The following BTD variants were observed in gnomAD, a reference collection of about 807,000 sequenced individuals.
BTD encodes the protein biocytinase.
BTD carries 13 observed loss-of-function variants against 17.7 expected under a neutral mutation model. The ratio of observed to expected loss-of-function variants is 0.74; its 90% CI spans 0.48 to 1.17. The LOEUF (loss-of-function observed/expected upper bound fraction) is 1.17, where lower values mean the gene tolerates loss of function less well. Ranked by LOEUF, BTD falls within the 50% of genes most tolerant of loss-of-function variation. BTD has a pLI of 0.00. For missense variants in BTD, 674 were observed against 650.4 expected, an observed-to-expected ratio of 1.04 and a Z score of -0.39; for synonymous variants, 240 against 245.2, an observed-to-expected ratio of 0.98 and a Z score of 0.20.
At chr3:15,681,552 G>A (rs2067549281) in intron 3 of BTD, among the ~76,000 whole-genome samples, 1 of 152,014 alleles carries the variant, frequency 6.6e-6, no homozygotes, top group Non-Finnish European at 1.5e-5. Context: ...ATTCTTACAT[G>A]GCCTCTTTAT....
At chr3:15,634,546 G>A (rs951803994) in intron 1 of BTD, among the ~76,000 whole-genome samples, 3 of 152,172 alleles carry the variant, frequency 2.0e-5, no homozygotes, top group African/African-American at 7.2e-5. Context: ...ACACACAGAA[G>A]TATCATTTAT....
At chr3:15,715,424 TA>T (rs1337979742), downstream of BTD, among the ~76,000 whole-genome samples, 12 of 152,350 alleles carry the variant, frequency 7.9e-5, no homozygotes, top group African/African-American at 2.9e-4. Flanking sequence ...AGATATTCTT[TA>T]AAAATCCTCA....
chr3:15,639,262 A>G (rs2065438503), intron 2 of BTD, among the ~76,000 whole-genome samples: 2 of 147,358 alleles, frequency 1.4e-5, no homozygotes, highest in Admixed American at 1.4e-4. Flanking sequence ...GTATGTATAC[A>G]TAATTTAAAT....
chr3:15,717,525 GA>G (rs546403945), downstream of BTD, among the ~76,000 whole-genome samples: 47 of 132,758 alleles, frequency 3.5e-4, 1 homozygote, highest in East Asian at 3.0e-3. Context: ...GGAGTATTAA[GA>G]AAAAAAAAAA....
intron 1 of BTD, among the ~76,000 whole-genome samples, chr3:15,619,910 A>G (rs2125389556): frequency 6.6e-6 from 1 of 152,340 alleles, no homozygotes; most frequent in East Asian, 1.9e-4. Flanking sequence ...TAAGGGTTTC[A>G]AAAGGGGAGG....
At chr3:15,604,040 C>G (rs1362356823) in intron 1 of BTD, among the ~76,000 whole-genome samples, 2 of 152,188 alleles carry the variant, frequency 1.3e-5, no homozygotes, top group East Asian at 3.9e-4. Flanking sequence ...GTCAGTAGAT[C>G]TACCATTCTG....
At chr3:15,670,590 T>C (rs759492779) in intron 3 of BTD, 6 of 1,584,416 alleles carry the variant, frequency 3.8e-6, no homozygotes, top group Non-Finnish European at 4.3e-6. Context: ...AAATTAAGCA[T>C]CCTGAGATGT....
chr3:15,668,976 C>A (rs964996586), intron 3 of BTD: 3 of 152,570 alleles, frequency 2.0e-5, no homozygotes, highest in African/African-American at 7.2e-5. Context: ...AAAGCAGAAC[C>A]ACACAAATCT....
chr3:15,637,825 A>G lies in BTD; in HGVS notation c.249+2137A>G, dbSNP rs576970011. On this transcript the variant is annotated intron_variant, in intron 2 of 3. Coordinates refer to ENST00000643237, the MANE Select transcript of BTD (RefSeq NM_001370658.1). ...ACACTGAAACCCAGACTGTGGCTGT[A>G]GAATTCTCCTGCATTCACCTTTCAA... is the stretch of plus-strand genomic sequence containing the variant. 3.3e-5 allele frequency among the ~76,000 whole-genome samples: 5 copies of G among 152,358 alleles called. No homozygotes were observed. In the South Asian group the frequency reaches 1.0e-3, roughly 32 times the overall value.
chr3:15,696,242 G>A lies in BTD; in HGVS notation c.400-13818G>A, dbSNP rs1334853399. On this transcript the variant is annotated intron_variant, in intron 3 of 3. Transcript: ENST00000672141. ...CATCGTTTCTTAATAAGTATTCCAGGCACCTATATACAACAACAACAACAT... is the reference window on the plus strand; with the variant it reads ...CATCGTTTCTTAATAAGTATTCCAGACACCTATATACAACAACAACAACAT... 4 of 1,557,412 alleles carry A rather than the reference G, an allele frequency of 2.6e-6. No homozygotes were observed. In the African/African-American group the frequency reaches 4.1e-5, roughly 16 times the overall value.
downstream of BTD, among the ~76,000 whole-genome samples, chr3:15,715,341 G>A (rs780803327): frequency 1.8e-3 from 278 of 152,152 alleles, 4 homozygotes; most frequent in Non-Finnish European, 1.9e-4. Flanking sequence ...GCAACATTCA[G>A]CATGCCTTCT....
intron 3 of BTD, among the ~76,000 whole-genome samples, chr3:15,703,487 C>T (rs977452668): frequency 6.6e-6 from 1 of 152,164 alleles, no homozygotes; most frequent in African/African-American, 2.4e-5. Flanking sequence ...ATAAATAAGG[C>T]CCAAAAGAGC....
At chr3:15,688,804 G>A (rs537976049) in intron 3 of BTD, among the ~76,000 whole-genome samples, 14 of 152,326 alleles carry the variant, frequency 9.2e-5, no homozygotes, top group Admixed American at 2.6e-4. Flanking sequence ...GTATTTTAAC[G>A]TATCTGCTAC....
chr3:15,712,015 A>G, exon 4 of BTD: 1 of 743,948 alleles, frequency 1.3e-6, no homozygotes, highest in Non-Finnish European at 2.3e-6. Flanking sequence ...CACGTTCTAA[A>G]AGGGGTTATT....
chr3:15,677,168 C>T (rs764092703), intron 3 of BTD: 16 of 833,670 alleles, frequency 1.9e-5, no homozygotes, highest in Non-Finnish European at 2.7e-5. Context: ...CATACATATA[C>T]CATGAATTTT....
intron 3 of BTD, among the ~76,000 whole-genome samples, chr3:15,678,934 C>A (rs1329018008): frequency 2.6e-5 from 4 of 152,068 alleles, no homozygotes; most frequent in Non-Finnish European, 4.4e-5. Flanking sequence ...TCTCTCACAC[C>A]AGCCAGTAGT....
intron 3 of BTD, among the ~76,000 whole-genome samples, chr3:15,698,245 T>C (rs974869491): frequency 2.0e-5 from 3 of 152,310 alleles, no homozygotes; most frequent in South Asian, 2.1e-4. Flanking sequence ...TATCTCAAAA[T>C]AGTAAGGGCT....
intron 1 of BTD, among the ~76,000 whole-genome samples, chr3:15,626,744 G>A (rs1356610496): frequency 7.1e-6 from 1 of 141,520 alleles, no homozygotes; most frequent in Non-Finnish European, 1.5e-5. Context: ...TCATGCCACT[G>A]TACTCCAGCC....
Position 15,707,830 on chromosome 3 carries a change from A to T in BTD, c.400-2230A>T. ...GCAAAGATAATCAACAAAAAATACAAAGAGGAAACACAAATTTGCAACAAA... is the reference window on the plus strand; with the variant it reads ...GCAAAGATAATCAACAAAAAATACATAGAGGAAACACAAATTTGCAACAAA... On this transcript the variant is annotated intron_variant, in intron 3 of 3. Transcript: ENST00000672141. 5 of 1,443,008 alleles carry T rather than the reference A, an allele frequency of 3.5e-6. No individual in the cohort carries two copies. The South Asian group carries it at 6.8e-5, about 20-fold the overall frequency. The allele number at this position is 1,443,008 out of a possible 1,614,324, so 89.4% of individuals were successfully genotyped here.
Sources: gnomAD v4.1 joint callset for allele counts (sites outside exome capture counted in the v4.1 genomes callset) on GRCh38, gnomAD v4.1.1 for gene constraint, MANE v1.5 for transcripts, NCBI Gene and HGNC (gene_info 2026-07-23, HGNC 2026-07-21) for gene names.